The following PDE11A variants were observed in gnomAD, a reference collection of about 807,000 sequenced individuals.
PDE11A encodes the protein phosphodiesterase 11A.
PDE11A carries 100 observed loss-of-function variants against 100.5 expected under a neutral mutation model. That is an observed-to-expected ratio of 1.00 (90% CI 0.85 to 1.18). PDE11A has a LOEUF of 1.18. PDE11A is among the 50% of genes most tolerant of loss of function. The pLI is 0.00. For missense variants in PDE11A, 1,141 were observed against 1,152.6 expected (o/e 0.99, Z 0.15); for synonymous variants, 381 against 420.8 (o/e 0.91, Z 1.16).
At chr2:177,940,978 A>G (rs548516422) in intron 2 of PDE11A, among the ~76,000 whole-genome samples, 3 of 152,266 alleles carry the variant, frequency 2.0e-5, no homozygotes, top group Non-Finnish European at 2.9e-5. Context: ...AAATAAAGAG[A>G]ATATGTAGTA....
chr2:177,750,521 C>T (rs1056026769), intron 10 of PDE11A, among the ~76,000 whole-genome samples: 7 of 152,248 alleles, frequency 4.6e-5, no homozygotes, highest in Admixed American at 3.9e-4. Context: ...TGCCTCAGCT[C>T]AAGATTCTCT....
At chr2:177,717,969 T>C (rs529763738) in intron 12 of PDE11A, among the ~76,000 whole-genome samples, 1 of 152,224 alleles carries the variant, frequency 6.6e-6, no homozygotes, top group African/African-American at 2.4e-5. Context: ...ACTTTGTGAC[T>C]CTGTTGAATC....
intron 9 of PDE11A, among the ~76,000 whole-genome samples, chr2:177,808,741 A>C (rs2082907963): frequency 6.6e-6 from 1 of 152,142 alleles, no homozygotes; most frequent in Non-Finnish European, 1.5e-5. Flanking sequence ...AAGAGAGTGG[A>C]GTGCTACATT....
intron 19 of PDE11A, among the ~76,000 whole-genome samples, chr2:177,647,242 CT>C (rs1428027216): frequency 6.6e-6 from 1 of 152,116 alleles, no homozygotes; most frequent in Non-Finnish European, 1.5e-5. Context: ...TCACTTAAAA[CT>C]TTTAGTTTGT....
chr2:177,650,253 T>A (rs974241726), intron 19 of PDE11A, among the ~76,000 whole-genome samples: 1 of 152,190 alleles, frequency 6.6e-6, no homozygotes, highest in Non-Finnish European at 1.5e-5. Context: ...ATATCCTTAT[T>A]TAGTTCCTCA....
At chr2:177,857,732 G>A (rs142948297) in intron 5 of PDE11A, among the ~76,000 whole-genome samples, 150 of 152,008 alleles carry the variant, frequency 9.9e-4, no homozygotes, top group Admixed American at 4.5e-3. Context: ...CCAATCAAAA[G>A]GCAGAGATCA....
At chr2:178,095,159 T>C (rs985203740) in intron 2 of PDE11A, among the ~76,000 whole-genome samples, 1 of 152,040 alleles carries the variant, frequency 6.6e-6, no homozygotes, top group African/African-American at 2.4e-5. Flanking sequence ...AAGTCCATAG[T>C]CAAAAGTCTC....
chr2:178,020,924 G>GGTGTGTGTGTGT (rs532087273), intron 1 of PDE11A, among the ~76,000 whole-genome samples: 3 of 125,740 alleles, frequency 2.4e-5, no homozygotes, highest in African/African-American at 5.9e-5. Flanking sequence ...TTTTTGTCTT[G>GGTGTGTGTGTGT]GTGTGTGTGT....
At chr2:177,946,437 G>A (rs1402394009) in intron 2 of PDE11A, among the ~76,000 whole-genome samples, 53 of 41,458 alleles carry the variant, frequency 1.3e-3, no homozygotes, top group Non-Finnish European at 1.4e-3. Context: ...CCGGCCAGCC[G>A]CCCCGTCCGG....
Position 177,788,246 on chromosome 2 carries a change from G to A in PDE11A, c.1738-18873C>T, listed in dbSNP as rs1055680217. 8.7e-5 allele frequency among the ~76,000 whole-genome samples: 13 copies of A among 149,924 alleles called. No homozygotes were observed. The South Asian group carries it at 1.1e-3, about 12-fold the overall frequency. On this transcript the variant is annotated intron_variant, in intron 9 of 19. Transcript: ENST00000286063. ...AGGATTAAGAAACTCACTCAAAACC[G>A]CTCAACTACATGGAAACTGAACAAC...
intron 4 of PDE11A, among the ~76,000 whole-genome samples, chr2:177,891,277 T>C (rs1275057161): frequency 6.6e-6 from 1 of 152,220 alleles, no homozygotes; most frequent in Non-Finnish European, 1.5e-5. Context: ...GCCTCCAGCC[T>C]GGGTGACAGA....
At chr2:177,946,445 C>T (rs1574299490) in intron 2 of PDE11A, among the ~76,000 whole-genome samples, 6 of 46,500 alleles carry the variant, frequency 1.3e-4, no homozygotes, top group East Asian at 8.5e-4. Context: ...CCGCCCCGTC[C>T]GGGAGGGAGG....
upstream of PDE11A, among the ~76,000 whole-genome samples, chr2:178,076,157 G>C (rs556274641): frequency 6.6e-6 from 1 of 152,166 alleles, no homozygotes; most frequent in Non-Finnish European, 1.5e-5. Flanking sequence ...AGATCACTCA[G>C]AGCAAGGAAG....
intron 8 of PDE11A, 78 bp from the exon 9 acceptor site, chr2:177,816,999 A>AG: frequency 1.2e-6 from 1 of 815,656 alleles, no homozygotes; most frequent in Admixed American, 1.7e-5. Flanking sequence ...GGCAGCCACC[A>AG]GGGATGGGTC....
intron 2 of PDE11A, among the ~76,000 whole-genome samples, chr2:178,001,938 T>C (rs1425901447): frequency 6.6e-6 from 1 of 152,174 alleles, no homozygotes; most frequent in East Asian, 1.9e-4. Context: ...TATTTTAGAT[T>C]TGAGTATATA....
intron 10 of PDE11A, among the ~76,000 whole-genome samples, chr2:177,767,687 G>A (rs1243135732): frequency 4.6e-5 from 7 of 151,812 alleles, no homozygotes; most frequent in South Asian, 2.1e-4. Context: ...TATTATCACC[G>A]TTTTAAAATT....
chr2:178,084,573 C>A (rs755630952), intron 2 of PDE11A, among the ~76,000 whole-genome samples: 4 of 152,090 alleles, frequency 2.6e-5, no homozygotes, highest in Non-Finnish European at 5.9e-5. Flanking sequence ...TGGGAGCAGG[C>A]AGGCTGCAAG....
At chr2:177,710,373 G>A (rs1386350314) in intron 13 of PDE11A, among the ~76,000 whole-genome samples, 4 of 152,142 alleles carry the variant, frequency 2.6e-5, no homozygotes, top group South Asian at 4.1e-4. Flanking sequence ...GGGGAGGCGG[G>A]GGAGCAGGAG....
intron 2 of PDE11A, among the ~76,000 whole-genome samples, chr2:177,963,719 G>C (rs966941015): frequency 1.3e-5 from 2 of 152,192 alleles, no homozygotes; most frequent in African/African-American, 4.8e-5. Flanking sequence ...TAAAGCACAA[G>C]TATAGGGCAA....
Sources: gnomAD v4.1 joint callset for allele counts (sites outside exome capture counted in the v4.1 genomes callset) on GRCh38, gnomAD v4.1.1 for gene constraint, MANE v1.5 for transcripts, NCBI Gene and HGNC (gene_info 2026-07-23, HGNC 2026-07-21) for gene names.